The following NSD2 variants were observed in gnomAD, a reference collection of about 807,000 sequenced individuals.
NSD2 encodes histone-lysine N-methyltransferase NSD2.
In NSD2, 12 loss-of-function variants were observed where a neutral mutation model predicts 139.0. The observed-to-expected ratio is 0.09, with a 90% CI of 0.06 to 0.14. The LOEUF (loss-of-function observed/expected upper bound fraction) is 0.14. Ranked by LOEUF, NSD2 falls within the 10% of genes least tolerant of loss-of-function variation. NSD2 has a pLI of 1.00. For missense variants in NSD2, 1,155 were observed against 1,745.0 expected, an observed-to-expected ratio of 0.66 and a Z score of 6.02; for synonymous variants, 669 against 648.7, an observed-to-expected ratio of 1.03 and a Z score of -0.48.
intron 3 of NSD2, among the ~76,000 whole-genome samples, chr4:1,907,193 C>T (rs1335901388): frequency 1.3e-5 from 2 of 152,006 alleles, no homozygotes; most frequent in Admixed American, 6.6e-5. Flanking sequence ...ATGGAAAGGT[C>T]TTAATGCAGT....
chr4:1,873,156 T>G (rs1244243112), intron 1 of NSD2, among the ~76,000 whole-genome samples: 1 of 152,214 alleles, frequency 6.6e-6, no homozygotes, highest in Admixed American at 6.5e-5. Flanking sequence ...CCTTCAGTTT[T>G]GGGCTGATGG....
At chr4:1,882,732 G>A (rs1383934284) in intron 1 of NSD2, among the ~76,000 whole-genome samples, 1 of 152,160 alleles carries the variant, frequency 6.6e-6, no homozygotes, top group African/African-American at 2.4e-5. Context: ...GCTTGTTACT[G>A]TACCATAACC....
chr4:1,910,239 T>A (rs1202762429), intron 3 of NSD2, among the ~76,000 whole-genome samples: 1 of 152,056 alleles, frequency 6.6e-6, no homozygotes, highest in Non-Finnish European at 1.5e-5. Context: ...CAACCTTTTT[T>A]TTTTTCGAGA....
intron 9 of NSD2, among the ~76,000 whole-genome samples, chr4:1,950,327 C>T (rs1396896892): frequency 6.6e-5 from 10 of 152,156 alleles, no homozygotes; most frequent in Admixed American, 5.2e-4. Flanking sequence ...CAATTCCACT[C>T]GCTCAGGGAT....
chr4:1,975,227 A>C, intron 19 of NSD2, 67 bp from the exon 20 acceptor site: 1 of 1,512,322 alleles, frequency 6.6e-7, no homozygotes, highest in Non-Finnish European at 9.2e-7. Context: ...GACCTAATAC[A>C]CGCCCCTTAG....
chr4:1,892,033 T>C (rs1715613584), intron 1 of NSD2: 2 of 152,180 alleles, frequency 1.3e-5, no homozygotes. Flanking sequence ...TTTCTGCCTC[T>C]CTCCTCTAGA....
chr4:1,943,489 G>C, intron 9 of NSD2: 2 of 1,046,748 alleles, frequency 1.9e-6, no homozygotes, highest in Non-Finnish European at 2.3e-6. Flanking sequence ...CATGAAAAGT[G>C]GTCCTCTTGA....
chr4:1,901,352 T>G (rs1041821828), intron 2 of NSD2, 101 bp downstream of exon 2: 1 of 1,086,562 alleles, frequency 9.2e-7, no homozygotes. Context: ...GCGGAGAAGG[T>G]GAGGACAGGC....
In NSD2 at chr4:1,942,470, C is replaced by A; in HGVS notation, c.1881+2692C>A. On this transcript the variant is annotated intron_variant, in intron 9 of 21. Coordinates refer to ENST00000508803, the MANE Select transcript of NSD2 (RefSeq NM_001042424.3). This position sits in a 1 kb window ranked among gnomAD's most constrained non-coding sequence, Gnocchi z 4.0. ...CGTACACACTCAGTGACATTTCTATCACAATCATTTTATGGAAGATGTGTG... is the reference window on the plus strand; with the variant it reads ...CGTACACACTCAGTGACATTTCTATAACAATCATTTTATGGAAGATGTGTG... 1 of 1,548,782 alleles carries A rather than the reference C, an allele frequency of 6.5e-7. No homozygotes were observed. Among genetic ancestry groups the A allele is most frequent in the Non-Finnish European group, 8.7e-7 (1 of 1,146,516 alleles).
chr4:1,931,176 T>G (rs1459795922), intron 6 of NSD2, among the ~76,000 whole-genome samples: 1 of 152,166 alleles, frequency 6.6e-6, no homozygotes, highest in East Asian at 1.9e-4. Flanking sequence ...GCACTTTTCT[T>G]GCTTCTGAGA....
intron 1 of NSD2, among the ~76,000 whole-genome samples, chr4:1,890,763 T>G (rs1248645966): frequency 6.6e-6 from 1 of 151,784 alleles, no homozygotes; most frequent in Middle Eastern, 3.2e-3. Context: ...CACGCTTGGC[T>G]AATTTTCTAT....
At chr4:1,891,525 G>A (rs1374405673) in intron 1 of NSD2, among the ~76,000 whole-genome samples, 1 of 152,066 alleles carries the variant, frequency 6.6e-6, no homozygotes, top group Non-Finnish European at 1.5e-5. Context: ...GGGCAAGGTT[G>A]GAGCAGTGAG....
Position 1,952,143 on chromosome 4 carries a change from A to C in NSD2, c.2049A>C (p.Glu683Asp). Residue 683 changes from glutamate to aspartate, a missense_variant, in exon 11 of 22, where the codon GAA (glutamate) becomes GAC (aspartate). By Grantham distance (45) the Glu-to-Asp change is conservative. This residue lies in a region of NSD2 where 120 missense variants were observed against 239.3 expected (regional missense o/e 0.50). Transcript: ENST00000508803. ...AGCCGGGCAGCCTCCTGCTCTGTGA[A>C]GGACCCTGCTGCGGAGCTTTCCACC... The part of the protein sequence containing the change: ...CEKPGSLLLC[E>D]GPCCGAFHLA... The C allele has an allele frequency of 6.2e-7, 1 of 1,614,132 alleles. No homozygotes were observed. Among genetic ancestry groups the C allele is most frequent in the Non-Finnish European group, 8.5e-7 (1 of 1,180,024 alleles).
At chr4:1,879,292 C>T (rs530036107) in intron 1 of NSD2, among the ~76,000 whole-genome samples, 11 of 152,244 alleles carry the variant, frequency 7.2e-5, no homozygotes, top group East Asian at 3.9e-4. Flanking sequence ...GATCTCAGCT[C>T]GCTGCAAGCT....
At chr4:1,872,807 TATC>T in intron 1 of NSD2, among the ~76,000 whole-genome samples, 1 of 152,294 alleles carries the variant, frequency 6.6e-6, no homozygotes, top group African/African-American at 2.4e-5. Flanking sequence ...GTATTTCAAA[TATC>T]AACGTGGAAA....
chr4:1,894,650 C>T (rs1446555183), intron 1 of NSD2, among the ~76,000 whole-genome samples: 2 of 142,332 alleles, frequency 1.4e-5, no homozygotes, highest in African/African-American at 2.6e-5. Context: ...TTAGCCTGGG[C>T]AACAGAGGAA....
chr4:1,889,575 T>C (rs1715375034), intron 1 of NSD2, among the ~76,000 whole-genome samples: 1 of 151,874 alleles, frequency 6.6e-6, no homozygotes, highest in South Asian at 2.1e-4. Context: ...CATCTCGGCT[T>C]ACTGTAACCT....
At chr4:1,886,090 A>T (rs1009776995) in intron 1 of NSD2, among the ~76,000 whole-genome samples, 1 of 152,214 alleles carries the variant, frequency 6.6e-6, no homozygotes, top group South Asian at 2.1e-4. Context: ...TACGAAACTA[A>T]AGCGCGTCCA....
At chr4:1,952,835 C>T in intron 11 of NSD2, 1 of 1,235,504 alleles carries the variant, frequency 8.1e-7, no homozygotes, top group Non-Finnish European at 1.0e-6. Context: ...ACTCACCGGG[C>T]CCAAGGAGTC....
Sources: gnomAD v4.1 joint callset for allele counts (sites outside exome capture counted in the v4.1 genomes callset) on GRCh38, gnomAD v4.1.1 for gene constraint, gnomAD v4.1.1 regional missense constraint, Gnocchi (gnomAD v3.1) non-coding constraint, MANE v1.5 for transcripts, NCBI Gene and HGNC (gene_info 2026-07-23, HGNC 2026-07-21) for gene names.